KIRREL3: variants seen among roughly 807,000 people sequenced by gnomAD.
KIRREL3 encodes the protein kirre like nephrin family adhesion molecule 3.
In KIRREL3, 36 loss-of-function variants were observed where a neutral mutation model predicts 89.7. The observed-to-expected ratio is 0.40, with a 90% CI of 0.31 to 0.53. The LOEUF (loss-of-function observed/expected upper bound fraction) is 0.53. KIRREL3 is among the 20% of genes least tolerant of loss of function. KIRREL3 has a pLI of 0.49. For synonymous variants in KIRREL3, 445 were observed against 441.4 expected, an observed-to-expected ratio of 1.01 and a Z score of -0.10; for missense variants, 864 against 1,056.6, an observed-to-expected ratio of 0.82 and a Z score of 2.53.
rs185148826 is a variant in KIRREL3, at chr11:126,682,281, G to A, written c.56-119369C>T. Among the ~76,000 whole-genome samples the A allele has an allele frequency of 5.8e-4, 89 of 152,150 alleles. No individual in the cohort carries two copies. Among genetic ancestry groups the A allele is most frequent in the Middle Eastern group, 3.4e-3 (1 of 292 alleles). On this transcript the variant is annotated intron_variant, in intron 1 of 16. Transcript: ENST00000525144. This position sits in a 1 kb window ranked among gnomAD's most constrained non-coding sequence, Gnocchi z 4.8. The stretch of plus-strand genomic sequence containing the variant: ...CCTATGCATTCTGCTATGCATAGTC[G>A]CCCTCTCTTCCTTCTAGGTTAGAGT...
At position 126,983,289 on chromosome 11, in the gene KIRREL3, G is replaced by A. The variant is rs548838484; in HGVS notation, c.55+17166C>T. On this transcript the variant is annotated intron_variant, in intron 1 of 16. Coordinates refer to ENST00000525144, the MANE Select transcript of KIRREL3 (RefSeq NM_032531.4). This position sits in a 1 kb window ranked among gnomAD's most constrained non-coding sequence, Gnocchi z 4.9. ...CTAACTTACAAGTAGTGAGGCTGAG[G>A]CACAGATTTCTTACACAGAGAGGTA... Among the ~76,000 whole-genome samples, 4 of 152,304 alleles carry A rather than the reference G, an allele frequency of 2.6e-5. No homozygotes were observed. The highest frequency in any genetic ancestry group is 5.9e-5 in the Non-Finnish European group (4 of 68,022).
chr11:126,964,971 T>A (rs1239736542), intron 1 of KIRREL3, among the ~76,000 whole-genome samples: 1 of 152,218 alleles, frequency 6.6e-6, no homozygotes, highest in Non-Finnish European at 1.5e-5. Flanking sequence ...GCACTTCATG[T>A]TCAAAGTACT....
At chr11:126,451,351 CGTAT>C (rs1956136503) in intron 7 of KIRREL3, among the ~76,000 whole-genome samples, 2 of 94,780 alleles carry the variant, frequency 2.1e-5, no homozygotes, top group South Asian at 3.6e-4. Context: ...CATGTGTGTG[CGTAT>C]GTGAGTGTGA....
chr11:126,484,330 A>T lies in KIRREL3; in HGVS notation c.434-10864T>A, dbSNP rs1196373314. Among the ~76,000 whole-genome samples the T allele has an allele frequency of 7.2e-5, 11 of 152,196 alleles. No homozygotes were observed. Among genetic ancestry groups the T allele is most frequent in the Non-Finnish European group, 1.2e-4 (8 of 68,038 alleles). On this transcript the variant is annotated intron_variant, in intron 4 of 16. Coordinates refer to ENST00000525144, the MANE Select transcript of KIRREL3 (RefSeq NM_032531.4). The surrounding 1 kb of genome is among the most constrained non-coding windows in gnomAD (Gnocchi z 5.2). ...TGTTACCTTGGATGCAGTCATAAAAAAACAGCACCAATAATATGAATAATA... is the reference window on the plus strand; with the variant it reads ...TGTTACCTTGGATGCAGTCATAAAATAACAGCACCAATAATATGAATAATA...
chr11:126,933,397 T>G (rs989951862), intron 1 of KIRREL3, among the ~76,000 whole-genome samples: 5 of 151,824 alleles, frequency 3.3e-5, no homozygotes, highest in African/African-American at 4.8e-5. Flanking sequence ...CCTTCCTCCT[T>G]CAAGTCATCA....
Position 126,990,514 on chromosome 11 carries a change from C to T in KIRREL3, c.55+9941G>A, listed in dbSNP as rs934499167. On this transcript the variant is annotated intron_variant, in intron 1 of 16. Coordinates refer to ENST00000525144, the MANE Select transcript of KIRREL3 (RefSeq NM_032531.4). The surrounding 1 kb of genome is among the most constrained non-coding windows in gnomAD (Gnocchi z 6.3). ...TAAGGGACCTCCCGGGCTCTGCTCT[C>T]TCTGGGCAGGTTCAGGGCTTTGCAA... 3.9e-5 allele frequency among the ~76,000 whole-genome samples: 6 copies of T among 152,164 alleles called. No individual in the cohort carries two copies. The highest frequency in any genetic ancestry group is 4.4e-5 in the Non-Finnish European group (3 of 68,036).
At chr11:126,445,985 C>A (rs926516709) in intron 9 of KIRREL3, among the ~76,000 whole-genome samples, 1 of 152,122 alleles carries the variant, frequency 6.6e-6, no homozygotes, top group Admixed American at 6.6e-5. Context: ...CCTGTCTCTA[C>A]TAAAAATACA....
Position 126,530,966 on chromosome 11 carries a change from G to T in KIRREL3, c.134-4279C>A, listed in dbSNP as rs1269411956. 1.3e-5 allele frequency among the ~76,000 whole-genome samples: 2 copies of T among 152,130 alleles called. No homozygotes were observed. Among genetic ancestry groups the T allele is most frequent in the Non-Finnish European group, 2.9e-5 (2 of 68,038 alleles). ...CTGCCTCAGCCTCTTGAGTAGCTGG[G>T]ATTACAGGCACTCACCACCATGTCT... On this transcript the variant is annotated intron_variant, in intron 2 of 16. Coordinates refer to ENST00000525144, the MANE Select transcript of KIRREL3 (RefSeq NM_032531.4). The surrounding 1 kb of genome is among the most constrained non-coding windows in gnomAD (Gnocchi z 5.8).
At chr11:127,002,552 C>G (rs1309350997), upstream of KIRREL3, among the ~76,000 whole-genome samples, 3 of 152,176 alleles carry the variant, frequency 2.0e-5, no homozygotes, top group Admixed American at 1.3e-4. Context: ...CCAAATAACA[C>G]AGTAAGACTG....
intron 1 of KIRREL3, chr11:126,920,602 T>C (rs1053485990): frequency 2.0e-5 from 3 of 152,264 alleles, no homozygotes; most frequent in Admixed American, 1.3e-4. Flanking sequence ...TTCCTGATCT[T>C]ACTTGGCTAT....
At chr11:126,625,563 C>T (rs1943749297) in intron 1 of KIRREL3, among the ~76,000 whole-genome samples, 2 of 152,164 alleles carry the variant, frequency 1.3e-5, no homozygotes, top group African/African-American at 4.8e-5. Context: ...CTTCCATCAG[C>T]CCCTCTCTGC....
intron 1 of KIRREL3, among the ~76,000 whole-genome samples, chr11:126,726,183 A>T (rs1565681010): frequency 2.0e-5 from 3 of 152,074 alleles, no homozygotes; most frequent in Admixed American, 6.5e-5. Flanking sequence ...AACCACAAAT[A>T]TGGACTTTCT....
At chr11:126,730,539 C>A (rs979021586) in intron 1 of KIRREL3, among the ~76,000 whole-genome samples, 4 of 152,170 alleles carry the variant, frequency 2.6e-5, no homozygotes, top group East Asian at 1.9e-4. Context: ...GTCTTCCCCA[C>A]CTAGGGGACA....
At position 126,867,796 on chromosome 11, in the gene KIRREL3, G is replaced by A. The variant is rs190378428; in HGVS notation, c.55+132659C>T. ...GCCTTTAACCACAATTTTTACTGCC[G>A]CTCAGTCCAGTATGACTTCTAAGGT... On this transcript the variant is annotated intron_variant, in intron 1 of 16. Coordinates refer to ENST00000525144, the MANE Select transcript of KIRREL3 (RefSeq NM_032531.4). This position sits in a 1 kb window ranked among gnomAD's most constrained non-coding sequence, Gnocchi z 4.7. 4.6e-5 allele frequency among the ~76,000 whole-genome samples: 7 copies of A among 152,010 alleles called. No homozygotes were observed. The highest frequency in any genetic ancestry group is 2.1e-4 in the South Asian group (1 of 4,794).
At chr11:126,958,019 A>G (rs995332609) in intron 1 of KIRREL3, among the ~76,000 whole-genome samples, 5 of 152,218 alleles carry the variant, frequency 3.3e-5, no homozygotes, top group African/African-American at 1.2e-4. Flanking sequence ...TCATCTTGAA[A>G]GCCTTACAGA....
At position 126,983,662 on chromosome 11, in the gene KIRREL3, G is replaced by A. The variant is rs1242125418; in HGVS notation, c.55+16793C>T. Among the ~76,000 whole-genome samples the A allele has an allele frequency of 6.6e-6, 1 of 152,132 alleles. No individual in the cohort carries two copies. Among genetic ancestry groups the A allele is most frequent in the East Asian group, 1.9e-4 (1 of 5,184 alleles). On this transcript the variant is annotated intron_variant, in intron 1 of 16. Transcript: ENST00000525144. The surrounding 1 kb of genome is among the most constrained non-coding windows in gnomAD (Gnocchi z 4.9). ...ACTCTGCCTCTAGAAGCCAGAAAAG[G>A]CCAAGAAATTGATTTTCCCTATAGC...
rs116558823 is a variant in KIRREL3 at position 126,541,849 on chromosome 11, G to A, written c.134-15162C>T. On this transcript the variant is annotated intron_variant, in intron 2 of 16. Transcript: ENST00000525144. The surrounding 1 kb of genome is among the most constrained non-coding windows in gnomAD (Gnocchi z 4.8). ...AGTGGCTGTCTCTCTCTCGGGGTGC[G>A]CATTGATGTTCCCACTGCACAGTGA... Among the ~76,000 whole-genome samples the A allele has an allele frequency of 0.038, 5,757 of 152,192 alleles. 158 individuals are homozygous for A. The highest frequency in any genetic ancestry group is 0.075 in the Middle Eastern group (22 of 294).
rs1945589738 is a variant in KIRREL3, at chr11:126,664,972, A to G, written c.56-102060T>C. Reference sequence around the variant, plus strand: ...CAGCCTTCGACACATTATTCATAACATGATGATTATTTTGGAGTGCGTTCT... The same window carrying G: ...CAGCCTTCGACACATTATTCATAACGTGATGATTATTTTGGAGTGCGTTCT... On this transcript the variant is annotated intron_variant, in intron 1 of 16. Coordinates refer to ENST00000525144, the MANE Select transcript of KIRREL3 (RefSeq NM_032531.4). This position sits in a 1 kb window ranked among gnomAD's most constrained non-coding sequence, Gnocchi z 5.4. Among the ~76,000 whole-genome samples the G allele has an allele frequency of 6.6e-6, 1 of 152,216 alleles. No individual in the cohort carries two copies. The highest frequency in any genetic ancestry group is 1.5e-5 in the Non-Finnish European group (1 of 68,040).
At chr11:126,714,032 G>A (rs1947861854) in intron 1 of KIRREL3, among the ~76,000 whole-genome samples, 1 of 152,146 alleles carries the variant, frequency 6.6e-6, no homozygotes, top group East Asian at 1.9e-4. Context: ...ATTGGGTAGA[G>A]CAGCTTTTGC....
Sources: allele counts gnomAD v4.1 joint callset (sites outside exome capture counted in the v4.1 genomes callset), GRCh38; gene constraint gnomAD v4.1.1; non-coding constraint Gnocchi (gnomAD v3.1); transcripts MANE v1.5; gene names NCBI Gene and HGNC (gene_info 2026-07-23, HGNC 2026-07-21).